The following NTNG2 variants were observed in gnomAD, a reference collection of about 807,000 sequenced individuals.
NTNG2 encodes netrin G2, also known as netrin-G2.
Under a neutral mutation model 47.6 loss-of-function variants are expected in NTNG2, and 15 were observed. The ratio of observed to expected loss-of-function variants is 0.32; its 90% confidence interval spans 0.21 to 0.49. The LOEUF is 0.49. NTNG2 is among the 20% of genes least tolerant of loss of function. The pLI is 0.99. For missense variants in NTNG2, 578 were observed against 764.6 expected (o/e 0.76, Z 2.88); for synonymous variants, 307 against 324.6 (o/e 0.95, Z 0.58).
chr9:132,213,737 T>C (rs559205242), intron 3 of NTNG2, among the ~76,000 whole-genome samples: 1 of 152,300 alleles, frequency 6.6e-6, no homozygotes, highest in Admixed American at 6.5e-5. Flanking sequence ...CAAAGATAAA[T>C]GCGCTATCTG....
At position 132,182,058 on chromosome 9, in the gene NTNG2, G is replaced by C. The variant is rs1836987177; in HGVS notation, c.213+15014G>C. Among the ~76,000 whole-genome samples, 1 of 152,238 alleles carries C rather than the reference G, an allele frequency of 6.6e-6. No homozygotes were observed. Among genetic ancestry groups the C allele is most frequent in the African/African-American group, 2.4e-5 (1 of 41,462 alleles). The stretch of plus-strand genomic sequence containing the variant: ...AGCACACCCCGGCAGCCCAGAGAAG[G>C]GAGGGCCCGGAGGAGTGACGGTGTT... On this transcript the variant is annotated intron_variant, in intron 2 of 7. Coordinates refer to ENST00000393229, the MANE Select transcript of NTNG2 (RefSeq NM_032536.4). This position sits in a 1 kb window ranked among gnomAD's most constrained non-coding sequence, Gnocchi z 4.2.
chr9:132,185,214 G>A (rs1265921536), intron 2 of NTNG2, among the ~76,000 whole-genome samples: 1 of 152,216 alleles, frequency 6.6e-6, no homozygotes, highest in East Asian at 1.9e-4. Context: ...TTCAGCTGAT[G>A]CTTCCCCCGA....
intron 3 of NTNG2, among the ~76,000 whole-genome samples, chr9:132,199,768 G>A (rs1300877547): frequency 1.3e-5 from 2 of 152,232 alleles, no homozygotes; most frequent in South Asian, 4.1e-4. Flanking sequence ...CAGAAACCAG[G>A]CCGGAGTCAG....
chr9:132,191,279 A>C (rs980220755), intron 2 of NTNG2, among the ~76,000 whole-genome samples: 1 of 152,156 alleles, frequency 6.6e-6, no homozygotes, highest in Non-Finnish European at 1.5e-5. Flanking sequence ...TCTCAGCCTC[A>C]TCCCTTCCTC....
chr9:132,196,882 T>C (rs1254592594), intron 2 of NTNG2, among the ~76,000 whole-genome samples: 3 of 152,188 alleles, frequency 2.0e-5, no homozygotes, highest in African/African-American at 7.2e-5. Context: ...TGGCTGTAAA[T>C]TGGGGGTTCC....
Position 132,239,142 on chromosome 9 carries a change from A to G in NTNG2, c.1093A>G (p.Ile365Val). ...CYGHSNRCSY[I>V]DFLNVVTCVS... ...CGGTCACTCCAACCGCTGCAGCTAC[A>G]TTGACTTCCTGAATGTGGTGACCTG... is the stretch of plus-strand genomic sequence containing the variant. Residue 365 changes from isoleucine to valine, a missense_variant, in exon 6 of 8, where the codon ATT becomes GTT. Coordinates refer to ENST00000393229, the MANE Select transcript of NTNG2 (RefSeq NM_032536.4). 6.2e-7 allele frequency: 1 copy of G among 1,613,908 alleles called. No homozygotes were observed. Among genetic ancestry groups the G allele is most frequent in the East Asian group, 2.2e-5 (1 of 44,880 alleles).
In NTNG2 at chr9:132,216,414, C is replaced by CTCTCTGTGTG. The variant is rs1554790515; in HGVS notation, c.858-10434_858-10433insCTCTGTGTGT. Among the ~76,000 whole-genome samples, 19 of 110,328 alleles carry CTCTCTGTGTG rather than the reference C, an allele frequency of 1.7e-4. 1 individual carries two copies. The East Asian group carries it at 1.8e-3, about 10-fold the overall frequency. The allele number at this position is 110,328 out of a possible 152,430, so 72.4% of individuals were successfully genotyped here. On this transcript the variant is annotated intron_variant, in intron 3 of 7. Transcript: ENST00000393229. ...TCTCTCTCTCTCTCTCTCTCTCTCTCTGTGTGTGTGTGTATGTGTGTGTGT... is the reference window on the plus strand; with the variant it reads ...TCTCTCTCTCTCTCTCTCTCTCTCTCTCTCTGTGTGTGTGTGTGTGTGTATGTGTGTGTGT...
At chr9:132,214,783 G>A (rs529840450) in intron 3 of NTNG2, among the ~76,000 whole-genome samples, 5 of 152,166 alleles carry the variant, frequency 3.3e-5, no homozygotes, top group East Asian at 3.9e-4. Context: ...CAAGGGAATC[G>A]TTGTTTTTTA....
rs1589573050 is a variant in NTNG2 at position 132,240,848 on chromosome 9, G to A, written c.1223-62G>A. On this transcript the variant is annotated intron_variant, in intron 6 of 7. Coordinates refer to ENST00000393229, the MANE Select transcript of NTNG2 (RefSeq NM_032536.4). ...CTCCCTGCGAGGCCGGGAGAGTGGGGGTCCGAGAAGACGGCGCCCACACGT... is the reference window on the plus strand; with the variant it reads ...CTCCCTGCGAGGCCGGGAGAGTGGGAGTCCGAGAAGACGGCGCCCACACGT... 25 of 1,609,422 alleles carry A rather than the reference G, an allele frequency of 1.6e-5. No homozygotes were observed. In the East Asian group the frequency reaches 5.4e-4, roughly 35 times the overall value.
At chr9:132,229,753 G>C (rs1377782085) in intron 4 of NTNG2, among the ~76,000 whole-genome samples, 2 of 152,230 alleles carry the variant, frequency 1.3e-5, no homozygotes, top group Admixed American at 6.5e-5. Flanking sequence ...GCTTGCCCAG[G>C]AGAAGCCCAT....
chr9:132,177,975 A>G (rs1443591951), intron 2 of NTNG2, among the ~76,000 whole-genome samples: 1 of 152,170 alleles, frequency 6.6e-6, no homozygotes, highest in Non-Finnish European at 1.5e-5. Context: ...ATTCCTCTGA[A>G]GCATCAAGCA....
chr9:132,184,200 C>T (rs1837160036), intron 2 of NTNG2, among the ~76,000 whole-genome samples: 1 of 152,234 alleles, frequency 6.6e-6, no homozygotes, highest in Non-Finnish European at 1.5e-5. Context: ...CGCCTCTTAA[C>T]TCCTCAGAGA....
intron 3 of NTNG2, 115 bp downstream of exon 3, chr9:132,198,724 G>C: frequency 8.8e-7 from 1 of 1,134,882 alleles, no homozygotes; most frequent in Non-Finnish European, 1.2e-6. Flanking sequence ...CCGGGTTCTT[G>C]GGATGTTACC....
In NTNG2 at chr9:132,218,161, G is replaced by T. The variant is rs112813443; in HGVS notation, c.858-8688G>T. Reference sequence around the variant, plus strand: ...AGCCCTGCCCACCAGCACCATGGGGGCTCCCGGCTCCTGCCACACAGGCCA... The same window carrying T: ...AGCCCTGCCCACCAGCACCATGGGGTCTCCCGGCTCCTGCCACACAGGCCA... On this transcript the variant is annotated intron_variant, in intron 3 of 7. Transcript: ENST00000393229. This position sits in a 1 kb window ranked among gnomAD's most constrained non-coding sequence, Gnocchi z 5.4. Among the ~76,000 whole-genome samples the T allele has an allele frequency of 0.011, 1,647 of 152,338 alleles. 23 individuals carry two copies. The highest frequency in any genetic ancestry group is 0.038 in the African/African-American group (1,563 of 41,586).
At chr9:132,178,377 A>G (rs1195557077) in intron 2 of NTNG2, among the ~76,000 whole-genome samples, 1 of 152,102 alleles carries the variant, frequency 6.6e-6, no homozygotes, top group Non-Finnish European at 1.5e-5. Context: ...TCCTTGTCCC[A>G]CAGTCAGTGC....
chr9:132,226,998 T>C lies in NTNG2; in HGVS notation c.1007T>C (p.Leu336Pro). The C allele has an allele frequency of 1.9e-6, 3 of 1,608,726 alleles. No individual in the cohort carries two copies. The highest frequency in any genetic ancestry group is 2.5e-6 in the Non-Finnish European group (3 of 1,179,072). ...TGGCGGGCCGGCTCCTACCTGCCGCTGCCCCATGGCTCTCCCAACGCCTGT... is the reference window on the plus strand; with the variant it reads ...TGGCGGGCCGGCTCCTACCTGCCGCCGCCCCATGGCTCTCCCAACGCCTGT... ...RSWRAGSYLP[L>P]PHGSPNACAT... Residue 336 changes from leucine (L) to proline (P), a missense_variant, in exon 4 of 8, where the codon CTG (leucine) becomes CCG (proline). Transcript: ENST00000393229. This position sits in a 1 kb window ranked among gnomAD's most constrained non-coding sequence, Gnocchi z 4.8.
chr9:132,203,235 G>A (rs2130773010), intron 3 of NTNG2, among the ~76,000 whole-genome samples: 1 of 152,296 alleles, frequency 6.6e-6, no homozygotes, highest in Non-Finnish European at 1.5e-5. Flanking sequence ...AGCTACTTGG[G>A]AGGCTGAGGC....
chr9:132,179,332 C>T (rs899703814), intron 2 of NTNG2, among the ~76,000 whole-genome samples: 5 of 152,168 alleles, frequency 3.3e-5, no homozygotes, highest in Admixed American at 2.0e-4. Context: ...GGTGAGCTCC[C>T]GCCTATGTGT....
chr9:132,198,443 GACA>G lies in NTNG2; in HGVS notation c.694_696del (p.Asn232del). 6.2e-7 allele frequency: 1 copy of G among 1,613,074 alleles called. No individual in the cohort carries two copies. Among genetic ancestry groups the G allele is most frequent in the African/African-American group, 1.3e-5 (1 of 75,050 alleles). ...TGCCGGCCCCGACCTGCGCAACATG[GACA>G]ACCTCTACACGCGGCTGGAGAGCGC... On this transcript the variant is annotated inframe_deletion, in exon 3 of 8. Transcript: ENST00000393229.
Sources: allele counts gnomAD v4.1 joint callset (sites outside exome capture counted in the v4.1 genomes callset), GRCh38; gene constraint gnomAD v4.1.1; non-coding constraint Gnocchi (gnomAD v3.1); transcripts MANE v1.5; gene names NCBI Gene and HGNC (gene_info 2026-07-23, HGNC 2026-07-21).